The following DENND1B variants were observed in gnomAD, a reference collection of about 807,000 sequenced individuals.
DENND1B encodes DENN domain-containing protein 1B.
A neutral mutation model predicts 90.1 loss-of-function variants in DENND1B; 59 were observed. That is an observed-to-expected ratio of 0.65 (90% CI 0.53 to 0.81). The LOEUF (loss-of-function observed/expected upper bound fraction) is 0.81. Ranked by LOEUF, DENND1B falls within the 40% of genes least tolerant of loss-of-function variation. The probability of loss-of-function intolerance (pLI) is 0.00; values close to 1 mark genes in which losing one functional copy is unlikely to be tolerated. For missense variants in DENND1B, 862 were observed against 912.6 expected (o/e 0.94, Z 0.71); for synonymous variants, 337 against 324.6 (o/e 1.04, Z -0.41).
chr1:197,584,132 T>C (rs1482348583), intron 14 of DENND1B, among the ~76,000 whole-genome samples: 1 of 152,198 alleles, frequency 6.6e-6, no homozygotes, highest in Non-Finnish European at 1.5e-5. Context: ...GCCTGTTTAC[T>C]TTGTAATAGA....
At chr1:197,715,111 A>G in intron 2 of DENND1B, 37 bp from the exon 3 acceptor site, 1 of 1,565,952 alleles carries the variant, frequency 6.4e-7, no homozygotes, top group Non-Finnish European at 8.8e-7. Flanking sequence ...AACAGCAGCA[A>G]AAGAACACAT....
chr1:197,643,756 G>T (rs997789621), intron 9 of DENND1B, among the ~76,000 whole-genome samples: 1 of 152,108 alleles, frequency 6.6e-6, no homozygotes, highest in Non-Finnish European at 1.5e-5. Flanking sequence ...CCTTAATTTA[G>T]CACTCTTATC....
rs1307423281 is a variant in DENND1B, at chr1:197,506,698, C to T, written c.*3762G>A. On this transcript the variant is annotated 3_prime_UTR_variant, in exon 23 of 23. Transcript: ENST00000620048. ...TCCTGAATCCTATTATTAGGATATT[C>T]GCATAGAATAGCACTAGTAACAGCA... 6.6e-6 allele frequency: 1 copy of T among 151,422 alleles called. No homozygotes were observed. Among genetic ancestry groups the T allele is most frequent in the Non-Finnish European group, 1.5e-5 (1 of 67,604 alleles). 9.4% of individuals were successfully genotyped at this position (151,422 alleles called of 1,614,324 possible).
At chr1:197,731,800 C>G (rs1043649011) in intron 2 of DENND1B, among the ~76,000 whole-genome samples, 2 of 152,108 alleles carry the variant, frequency 1.3e-5, no homozygotes, top group Non-Finnish European at 2.9e-5. Flanking sequence ...GCCTGCAGGC[C>G]ATAGGTTGGA....
chr1:197,720,384 T>C (rs1661049617), intron 2 of DENND1B, among the ~76,000 whole-genome samples: 1 of 151,996 alleles, frequency 6.6e-6, no homozygotes, highest in Non-Finnish European at 1.5e-5. Flanking sequence ...ACTATAGGCA[T>C]GCACCACCAT....
chr1:197,659,930 A>G (rs1441019295), intron 5 of DENND1B, among the ~76,000 whole-genome samples: 1 of 152,066 alleles, frequency 6.6e-6, no homozygotes, highest in African/African-American at 2.4e-5. Flanking sequence ...ACACAAATAC[A>G]AAATGTTTAT....
intron 21 of DENND1B, 71 bp from the exon 22 acceptor site, chr1:197,512,015 G>T: frequency 8.8e-7 from 1 of 1,132,950 alleles, no homozygotes; most frequent in Non-Finnish European, 1.3e-6. Context: ...TCTCTCACCA[G>T]TTACATTACA....
At chr1:197,735,916 G>C (rs1662632612) in intron 2 of DENND1B, 19 of 1,519,062 alleles carry the variant, frequency 1.3e-5, no homozygotes, top group Non-Finnish European at 1.7e-5. Flanking sequence ...ATGGCCAAGA[G>C]GAATCAGAAA....
At chr1:197,515,027 A>T (rs1416935089) in intron 20 of DENND1B, among the ~76,000 whole-genome samples, 2 of 151,686 alleles carry the variant, frequency 1.3e-5, no homozygotes, top group Non-Finnish European at 3.0e-5. Context: ...CAACCATGAC[A>T]CCAGAGAGGA....
intron 9 of DENND1B, among the ~76,000 whole-genome samples, chr1:197,644,569 A>G (rs1680563806): frequency 6.6e-6 from 1 of 152,182 alleles, no homozygotes; most frequent in African/African-American, 2.4e-5. Context: ...GAAAACATTA[A>G]CAAGGAGTAC....
At chr1:197,707,176 T>A (rs963509303) in intron 3 of DENND1B, among the ~76,000 whole-genome samples, 3 of 152,194 alleles carry the variant, frequency 2.0e-5, no homozygotes, top group Non-Finnish European at 2.9e-5. Flanking sequence ...GACAGATGTC[T>A]CATGTTCTCA....
At chr1:197,767,303 C>T (rs879430735) in intron 2 of DENND1B, among the ~76,000 whole-genome samples, 1 of 151,702 alleles carries the variant, frequency 6.6e-6, no homozygotes, top group Non-Finnish European at 1.5e-5. Flanking sequence ...CAAGCAGAAG[C>T]AAAATGTTGT....
intron 12 of DENND1B, among the ~76,000 whole-genome samples, chr1:197,609,800 A>C (rs2125844095): frequency 6.6e-6 from 1 of 150,758 alleles, no homozygotes; most frequent in Non-Finnish European, 1.5e-5. Context: ...AGGGAATAAG[A>C]AAATATTTTA....
chr1:197,557,569 A>G (rs1671815928), intron 15 of DENND1B, among the ~76,000 whole-genome samples: 1 of 151,942 alleles, frequency 6.6e-6, no homozygotes, highest in Non-Finnish European at 1.5e-5. Flanking sequence ...CTTTGCAAAC[A>G]ATCCTGTCAG....
rs138836726 is a variant in DENND1B at position 197,701,600 on chromosome 1, A to C, written c.126+13431T>G. On this transcript the variant is annotated intron_variant, in intron 3 of 22. Transcript: ENST00000620048. ...ATAGAAGAAGAAAGAAGAAAGAAAA[A>C]GGAGAAAAGCCAGAACAGCTCACAT... 6.8e-4 allele frequency among the ~76,000 whole-genome samples: 104 copies of C among 152,112 alleles called. No homozygotes were observed. In the East Asian group the frequency reaches 0.02, roughly 29 times the overall value.
chr1:197,518,540 A>T (rs1028669439), intron 20 of DENND1B, among the ~76,000 whole-genome samples: 1 of 151,918 alleles, frequency 6.6e-6, no homozygotes, highest in Non-Finnish European at 1.5e-5. Flanking sequence ...CAGATGTTTC[A>T]GGTAAACCAT....
At chr1:197,676,082 CAAA>C (rs3046951) in intron 3 of DENND1B, among the ~76,000 whole-genome samples, 1 of 114,928 alleles carries the variant, frequency 8.7e-6, no homozygotes, top group Admixed American at 9.7e-5. Context: ...ACAGTATAGA[CAAA>C]AAAAAAAAAA....
chr1:197,752,112 T>C (rs542215193), intron 2 of DENND1B, among the ~76,000 whole-genome samples: 1 of 151,860 alleles, frequency 6.6e-6, no homozygotes, highest in Admixed American at 6.6e-5. Flanking sequence ...ATTGGCTCTC[T>C]GAAAATATTA....
At chr1:197,626,712 A>T (rs1471657357) in intron 10 of DENND1B, among the ~76,000 whole-genome samples, 3 of 152,038 alleles carry the variant, frequency 2.0e-5, no homozygotes, top group Non-Finnish European at 2.9e-5. Flanking sequence ...CACAAAAAAA[A>T]CCCTTCAAAA....
Sources: gnomAD v4.1 joint callset for allele counts (sites outside exome capture counted in the v4.1 genomes callset) on GRCh38, gnomAD v4.1.1 for gene constraint, MANE v1.5 for transcripts, NCBI Gene and HGNC (gene_info 2026-07-23, HGNC 2026-07-21) for gene names.